PDE8A: variants seen among roughly 807,000 people sequenced by gnomAD.
PDE8A encodes the protein high affinity cAMP-specific and IBMX-insensitive 3',5'-cyclic phosphodiesterase 8A.
Under a neutral mutation model 105.0 loss-of-function variants are expected in PDE8A, and 59 were observed. That is an observed-to-expected ratio of 0.56 (90% CI 0.46 to 0.70). The LOEUF is 0.70. Ranked by LOEUF, PDE8A falls within the 30% of genes least tolerant of loss-of-function variation. The pLI is 0.00. For missense variants in PDE8A, 1,014 were observed against 1,045.9 expected (o/e 0.97, Z 0.42); for synonymous variants, 355 against 371.9 (o/e 0.95, Z 0.52).
intron 5 of PDE8A, among the ~76,000 whole-genome samples, chr15:85,079,967 C>G (rs754027208): frequency 1.4e-4 from 22 of 152,034 alleles, no homozygotes; most frequent in Non-Finnish European, 2.8e-4. Context: ...TGAATTCTTC[C>G]TTTAAAAGAT....
At chr15:85,079,090 T>C (rs2081424851) in intron 5 of PDE8A, among the ~76,000 whole-genome samples, 3 of 152,210 alleles carry the variant, frequency 2.0e-5, no homozygotes, top group African/African-American at 7.2e-5. Context: ...TCCTGCTTTC[T>C]CTGGCTCTCT....
chr15:85,037,994 A>C (rs1596463692), intron 1 of PDE8A, among the ~76,000 whole-genome samples: 1 of 152,222 alleles, frequency 6.6e-6, no homozygotes, highest in South Asian at 2.1e-4. Context: ...ATACTCTTGA[A>C]ATAGAAGATA....
chr15:85,126,476 A>T, intron 20 of PDE8A, 102 bp downstream of exon 20: 1 of 902,450 alleles, frequency 1.1e-6, no homozygotes, highest in South Asian at 4.3e-5. Context: ...GGTTCTAAAA[A>T]AATTCTGTCC....
chr15:85,005,563 A>G (rs541103119), intron 1 of PDE8A, among the ~76,000 whole-genome samples: 9 of 152,348 alleles, frequency 5.9e-5, no homozygotes, highest in African/African-American at 2.2e-4. Flanking sequence ...TGAGAGAATT[A>G]TATGGTATTT....
chr15:85,098,531 C>T (rs1351625853), intron 9 of PDE8A, among the ~76,000 whole-genome samples: 1 of 152,020 alleles, frequency 6.6e-6, no homozygotes, highest in Non-Finnish European at 1.5e-5. Flanking sequence ...CAGTTTATCT[C>T]AGAAACCTAT....
chr15:85,057,653 G>A (rs1230374367), intron 1 of PDE8A, among the ~76,000 whole-genome samples: 1 of 152,114 alleles, frequency 6.6e-6, no homozygotes, highest in Non-Finnish European at 1.5e-5. Flanking sequence ...GTTCCTATTC[G>A]GCCATCTTGG....
At chr15:84,981,388 G>C (rs2142127864), upstream of PDE8A, among the ~76,000 whole-genome samples, 1 of 151,988 alleles carries the variant, frequency 6.6e-6, no homozygotes, top group East Asian at 1.9e-4. Flanking sequence ...GGATCACGGA[G>C]CCGGAGCCGG....
chr15:85,020,517 G>A (rs1376728591), intron 1 of PDE8A, among the ~76,000 whole-genome samples: 1 of 152,194 alleles, frequency 6.6e-6, no homozygotes, highest in Non-Finnish European at 1.5e-5. Flanking sequence ...GGCACGGGAA[G>A]TGCTTGAACA....
At chr15:85,100,408 G>C in intron 11 of PDE8A, 1 of 587,830 alleles carries the variant, frequency 1.7e-6, no homozygotes, top group Non-Finnish European at 3.0e-6. Flanking sequence ...CCCTGGGGCG[G>C]GTCTCTGAGC....
intron 1 of PDE8A, among the ~76,000 whole-genome samples, chr15:85,055,111 G>A (rs898631675): frequency 7.9e-5 from 12 of 152,266 alleles, no homozygotes; most frequent in African/African-American, 2.6e-4. Context: ...TTTCCATGTA[G>A]TTGGGTGGTT....
chr15:85,020,723 A>G (rs181105834), intron 1 of PDE8A, among the ~76,000 whole-genome samples: 1 of 152,354 alleles, frequency 6.6e-6, no homozygotes, highest in Admixed American at 6.5e-5. Context: ...CCCAAATGTT[A>G]CTAATATTTT....
chr15:85,072,261 A>G (rs962079159), intron 3 of PDE8A, among the ~76,000 whole-genome samples: 3 of 152,336 alleles, frequency 2.0e-5, no homozygotes, highest in South Asian at 4.1e-4. Flanking sequence ...AACTCATTAA[A>G]GGGCTGGGCT....
In PDE8A at chr15:85,013,878, T is replaced by C. The variant is rs576582572; in HGVS notation, c.186+31530T>C. 4.0e-4 allele frequency among the ~76,000 whole-genome samples: 61 copies of C among 152,290 alleles called. No individual in the cohort carries two copies. The Middle Eastern group carries it at 0.017, about 42-fold the overall frequency. On this transcript the variant is annotated intron_variant, in intron 1 of 21. Coordinates refer to ENST00000394553, the MANE Select transcript of PDE8A (RefSeq NM_002605.3). ...TTGGCCAAGTTAGTGCAGGATGTTTTGGGGTTTGAGGAAAGGCCCAATTCC... is the reference window on the plus strand; with the variant it reads ...TTGGCCAAGTTAGTGCAGGATGTTTCGGGGTTTGAGGAAAGGCCCAATTCC...
chr15:85,061,107 TTTGA>T (rs1408665048), intron 1 of PDE8A, among the ~76,000 whole-genome samples: 28 of 152,194 alleles, frequency 1.8e-4, no homozygotes, highest in African/African-American at 6.0e-4. Context: ...ATATAGGATC[TTTGA>T]TTGACGATTA....
rs577995449 is a variant in PDE8A, at chr15:85,122,772, G to T, written c.1953-289G>T. Among the ~76,000 whole-genome samples the T allele has an allele frequency of 8.5e-5, 13 of 152,310 alleles. No individual in the cohort carries two copies. The East Asian group carries it at 1.7e-3, about 20-fold the overall frequency. On this transcript the variant is annotated intron_variant, in intron 18 of 21. Transcript: ENST00000394553. ...GGGCCTCAAGACACCTCCATGTGGGGTATATTCTTTCTAACCACAGATTTC... is the reference window on the plus strand; with the variant it reads ...GGGCCTCAAGACACCTCCATGTGGGTTATATTCTTTCTAACCACAGATTTC...
chr15:84,982,531 C>T (rs1412906150), intron 1 of PDE8A, among the ~76,000 whole-genome samples, 183 bp downstream of exon 1: 3 of 152,194 alleles, frequency 2.0e-5, no homozygotes, highest in Non-Finnish European at 4.4e-5. Flanking sequence ...GAAGGACCGA[C>T]CCAGGTCCCG....
chr15:85,011,473 T>G (rs923951430), intron 1 of PDE8A, among the ~76,000 whole-genome samples: 26 of 152,310 alleles, frequency 1.7e-4, no homozygotes, highest in African/African-American at 6.3e-4. Context: ...TTGTCCAGTT[T>G]TAATTAAATT....
intron 1 of PDE8A, among the ~76,000 whole-genome samples, chr15:85,021,710 G>C (rs897539207): frequency 2.0e-5 from 3 of 152,152 alleles, no homozygotes; most frequent in African/African-American, 7.2e-5. Context: ...CTAGTCTTCA[G>C]CCTGAGGCAA....
At chr15:85,007,202 T>C (rs187513206) in intron 1 of PDE8A, among the ~76,000 whole-genome samples, 3 of 152,022 alleles carry the variant, frequency 2.0e-5, no homozygotes, top group Non-Finnish European at 2.9e-5. Context: ...GAACAGATGA[T>C]ATAGGGCCAG....
Sources: gnomAD v4.1 joint callset for allele counts (sites outside exome capture counted in the v4.1 genomes callset) on GRCh38, gnomAD v4.1.1 for gene constraint, MANE v1.5 for transcripts, NCBI Gene and HGNC (gene_info 2026-07-23, HGNC 2026-07-21) for gene names.